Variants in DDX10 observed in about 807,000 individuals in gnomAD.
The protein encoded by DDX10 is probable ATP-dependent RNA helicase DDX10.
DDX10 carries 74 observed loss-of-function variants against 104.3 expected under a neutral mutation model. The ratio of observed to expected loss-of-function variants is 0.71; its 90% CI spans 0.59 to 0.86. The LOEUF (loss-of-function observed/expected upper bound fraction) is 0.86, where lower values mean the gene tolerates loss of function less well. Ranked by LOEUF, DDX10 falls within the 40% of genes least tolerant of loss-of-function variation. The pLI is 0.00. For missense variants in DDX10, 952 were observed against 1,040.0 expected, an observed-to-expected ratio of 0.92 and a Z score of 1.16; for synonymous variants, 351 against 353.4, an observed-to-expected ratio of 0.99 and a Z score of 0.08.
At position 108,728,504 on chromosome 11, in the gene DDX10, C is replaced by CTTTTTTTT. The variant is rs71050884; in HGVS notation, c.1965+5062_1965+5069dup. On this transcript the variant is annotated intron_variant, in intron 13 of 17. Transcript: ENST00000322536. ...TTTTAAGTATACATACACATTTGTT[C>CTTTTTTTT]TTTTTTTTTTTTTTTTTTTTTTTTT... is the stretch of plus-strand genomic sequence containing the variant. Among the ~76,000 whole-genome samples, 19 of 121,820 alleles carry CTTTTTTTT rather than the reference C, an allele frequency of 1.6e-4. 1 individual carries two copies. Among genetic ancestry groups the CTTTTTTTT allele is most frequent in the African/African-American group, 6.5e-4 (16 of 24,432 alleles). 79.9% of individuals were successfully genotyped at this position (121,820 alleles called of 152,430 possible). A position where few individuals can be genotyped will look rare whatever the true frequency, so the allele number is the denominator to read the frequency against.
At chr11:108,756,799 T>C (rs1280777096) in intron 13 of DDX10, among the ~76,000 whole-genome samples, 1 of 152,066 alleles carries the variant, frequency 6.6e-6, no homozygotes, top group Non-Finnish European at 1.5e-5. Flanking sequence ...ATTAGGCTTT[T>C]GGCTAGTCCT....
At chr11:108,903,364 C>T (rs983875884) in intron 16 of DDX10, among the ~76,000 whole-genome samples, 2 of 152,190 alleles carry the variant, frequency 1.3e-5, no homozygotes, top group African/African-American at 2.4e-5. Context: ...TTTCAAGGCT[C>T]CTCCATGTTG....
intron 15 of DDX10, among the ~76,000 whole-genome samples, chr11:108,845,618 C>T (rs996880570): frequency 2.0e-5 from 3 of 152,026 alleles, no homozygotes; most frequent in South Asian, 4.2e-4. Context: ...AACTTTTGAC[C>T]CAAAGTTGTG....
intron 16 of DDX10, among the ~76,000 whole-genome samples, chr11:108,880,303 T>C (rs1329258083): frequency 2.0e-5 from 3 of 152,174 alleles, no homozygotes; most frequent in Non-Finnish European, 2.9e-5. Flanking sequence ...CCTATTGGAT[T>C]AGGGTCCTAC....
chr11:108,701,284 A>G (rs920579033), intron 9 of DDX10, among the ~76,000 whole-genome samples: 3 of 152,156 alleles, frequency 2.0e-5, no homozygotes, highest in African/African-American at 4.8e-5. Context: ...CTGCACCTGC[A>G]TAACAGACTG....
intron 13 of DDX10, among the ~76,000 whole-genome samples, chr11:108,749,579 A>G (rs1289404215): frequency 6.6e-6 from 1 of 152,302 alleles, no homozygotes; most frequent in African/African-American, 2.4e-5. Context: ...TAGAGGTGTC[A>G]TTGCTGTGAG....
At chr11:108,890,469 CTGAG>C (rs1863360477) in intron 16 of DDX10, among the ~76,000 whole-genome samples, 1 of 151,850 alleles carries the variant, frequency 6.6e-6, no homozygotes, top group South Asian at 2.1e-4. Context: ...CTCAAGTCCT[CTGAG>C]TGTTACCTGG....
intron 13 of DDX10, among the ~76,000 whole-genome samples, chr11:108,804,514 A>G: frequency 6.6e-6 from 1 of 151,620 alleles, no homozygotes; most frequent in Non-Finnish European, 1.5e-5. Flanking sequence ...AAAAAAAAAA[A>G]AAAACCCTCC....
chr11:108,868,966 C>CTTTTTTTTT (rs36048300), intron 16 of DDX10, among the ~76,000 whole-genome samples: 1 of 137,134 alleles, frequency 7.3e-6, no homozygotes, highest in African/African-American at 2.7e-5. Context: ...AAGAATTAAG[C>CTTTTTTTTT]TTTTTTTTTT....
chr11:108,743,419 C>T (rs1181961320), intron 13 of DDX10, among the ~76,000 whole-genome samples: 1 of 152,138 alleles, frequency 6.6e-6, no homozygotes, highest in African/African-American at 2.4e-5. Context: ...CTACTGACAT[C>T]ATACTGAATG....
chr11:108,685,267 A>G (rs2094241935), intron 6 of DDX10, among the ~76,000 whole-genome samples: 1 of 151,082 alleles, frequency 6.6e-6, no homozygotes, highest in Non-Finnish European at 1.5e-5. Context: ...TGAAAAGCGC[A>G]ATATTCGGGT....
chr11:108,792,942 AGTTT>A (rs1180366346), intron 13 of DDX10, among the ~76,000 whole-genome samples: 1 of 152,162 alleles, frequency 6.6e-6, no homozygotes, highest in African/African-American at 2.4e-5. Context: ...TCTTGTACAG[AGTTT>A]GTTAAATTTA....
chr11:108,879,918 T>C (rs1161439276), intron 16 of DDX10, among the ~76,000 whole-genome samples: 1 of 152,174 alleles, frequency 6.6e-6, no homozygotes, highest in African/African-American at 2.4e-5. Flanking sequence ...TTACTGCATA[T>C]TTTTTCAGCT....
intron 13 of DDX10, among the ~76,000 whole-genome samples, chr11:108,728,128 C>A (rs1318933453): frequency 6.6e-6 from 1 of 151,980 alleles, no homozygotes. Context: ...CATGAAATTA[C>A]TTTGGCAAAT....
At chr11:108,797,721 C>T (rs1188130577) in intron 13 of DDX10, among the ~76,000 whole-genome samples, 2 of 152,184 alleles carry the variant, frequency 1.3e-5, no homozygotes, top group African/African-American at 4.8e-5. Flanking sequence ...TGTGCTTGGC[C>T]AACAGCAAGT....
intron 13 of DDX10, among the ~76,000 whole-genome samples, chr11:108,791,727 A>T (rs978211311): frequency 6.6e-6 from 1 of 152,208 alleles, no homozygotes; most frequent in African/African-American, 2.4e-5. Context: ...GTTTTGGGCT[A>T]GTGTAAATAA....
chr11:108,824,393 A>G (rs1862367762), intron 13 of DDX10, among the ~76,000 whole-genome samples: 1 of 151,968 alleles, frequency 6.6e-6, no homozygotes, highest in Non-Finnish European at 1.5e-5. Flanking sequence ...GTTTCCCTTA[A>G]CCCTGTTAGC....
chr11:108,843,283 C>T (rs1014309011), intron 15 of DDX10, among the ~76,000 whole-genome samples: 8 of 151,368 alleles, frequency 5.3e-5, no homozygotes, highest in Non-Finnish European at 8.8e-5. Context: ...AAAACAAAAA[C>T]AAGAAAAAAC....
At chr11:108,805,903 AATAAACT>A (rs1347820433) in intron 13 of DDX10, among the ~76,000 whole-genome samples, 2 of 152,186 alleles carry the variant, frequency 1.3e-5, no homozygotes, top group African/African-American at 4.8e-5. Context: ...AAGTTTTTAT[AATAAACT>A]ATAATCTTTC....
Sources: allele counts gnomAD v4.1 joint callset (sites outside exome capture counted in the v4.1 genomes callset), GRCh38; gene constraint gnomAD v4.1.1; transcripts MANE v1.5; gene names NCBI Gene and HGNC (gene_info 2026-07-23, HGNC 2026-07-21).